MBOAT1: variants seen among roughly 807,000 people sequenced by gnomAD.
MBOAT1 encodes the protein membrane-bound glycerophospholipid O-acyltransferase 1.
Under a neutral mutation model 64.4 loss-of-function variants are expected in MBOAT1, and 67 were observed. The observed-to-expected ratio is 1.04, with a 90% confidence interval of 0.85 to 1.27. The LOEUF is 1.27. MBOAT1 is among the 50% of genes most tolerant of loss of function. The probability of loss-of-function intolerance (pLI) is 0.00; values close to 1 mark genes in which losing one functional copy is unlikely to be tolerated. For synonymous variants in MBOAT1, 229 were observed against 218.9 expected (o/e 1.05, Z -0.41); for missense variants, 563 against 604.6 (o/e 0.93, Z 0.72).
intron 6 of MBOAT1, among the ~76,000 whole-genome samples, chr6:20,127,320 A>T (rs1016559569): frequency 6.6e-6 from 1 of 152,158 alleles, no homozygotes; most frequent in African/African-American, 2.4e-5. Flanking sequence ...TGTTCTAGCA[A>T]GATAGAATAA....
intron 3 of MBOAT1, among the ~76,000 whole-genome samples, chr6:20,145,251 G>T (rs1157208526): frequency 2.6e-5 from 4 of 151,980 alleles, no homozygotes; most frequent in South Asian, 2.1e-4. Flanking sequence ...GCTATGTGAG[G>T]ATACAAGAAG....
intron 1 of MBOAT1, among the ~76,000 whole-genome samples, chr6:20,166,343 A>G (rs1762014890): frequency 6.6e-6 from 1 of 152,048 alleles, no homozygotes; most frequent in South Asian, 2.1e-4. Context: ...TCCATTCCCT[A>G]GGAGGGAAAA....
intron 1 of MBOAT1, among the ~76,000 whole-genome samples, chr6:20,168,502 A>AGAG (rs1561773038): frequency 0.057 from 5,294 of 92,250 alleles, 233 homozygotes; most frequent in African/African-American, 0.17. Flanking sequence ...AGAGAGAGAG[A>AGAG]GAGAGGAGAG....
At chr6:20,179,991 C>G (rs1470038454) in intron 1 of MBOAT1, among the ~76,000 whole-genome samples, 1 of 152,150 alleles carries the variant, frequency 6.6e-6, no homozygotes, top group East Asian at 1.9e-4. Context: ...TCCACTCCTC[C>G]TCAAAGTTCA....
chr6:20,196,651 A>T (rs1762962314), intron 1 of MBOAT1, among the ~76,000 whole-genome samples: 1 of 152,212 alleles, frequency 6.6e-6, no homozygotes, highest in Non-Finnish European at 1.5e-5. Flanking sequence ...ACCTGAGGTC[A>T]GGAGTTCGAG....
chr6:20,102,237 A>G lies in MBOAT1; in HGVS notation c.*49T>C, dbSNP rs1471184218. ...GGAGCCCTTGAAGCCTTGTCATCTC[A>G]TCTTTCGAACGTTCTGCAGTTTTGC... On this transcript the variant is annotated 3_prime_UTR_variant, in exon 13 of 13. Coordinates refer to ENST00000324607, the MANE Select transcript of MBOAT1 (RefSeq NM_001080480.3). 1 of 1,589,746 alleles carries G rather than the reference A, an allele frequency of 6.3e-7. No individual in the cohort carries two copies. The highest frequency in any genetic ancestry group is 1.4e-5 in the African/African-American group (1 of 73,536).
chr6:20,149,376 A>G lies in MBOAT1; in HGVS notation c.323+1809T>C, dbSNP rs78473822. ...ACCACATCCCATCAGCATCACACAA[A>G]TGTGGGAAGAGCTGACAAGCTGCAA... is the stretch of plus-strand genomic sequence containing the variant. On this transcript the variant is annotated intron_variant, in intron 3 of 12. Coordinates refer to ENST00000324607, the MANE Select transcript of MBOAT1 (RefSeq NM_001080480.3). Among the ~76,000 whole-genome samples, 1,044 of 152,188 alleles carry G rather than the reference A, an allele frequency of 6.9e-3. 7 individuals carry two copies. Among genetic ancestry groups the G allele is most frequent in the African/African-American group, 0.024 (976 of 41,524 alleles).
chr6:20,175,447 T>G (rs1762314209), intron 1 of MBOAT1, among the ~76,000 whole-genome samples: 1 of 151,608 alleles, frequency 6.6e-6, no homozygotes, highest in African/African-American at 2.4e-5. Context: ...TTTTATTTAT[T>G]TATTTATTTA....
At chr6:20,130,701 CAAA>C (rs753257631) in intron 5 of MBOAT1, among the ~76,000 whole-genome samples, 1 of 137,788 alleles carries the variant, frequency 7.3e-6, no homozygotes, top group African/African-American at 2.7e-5. Flanking sequence ...TTTTCCAAGC[CAAA>C]AAAAAAAACA....
rs543598092 is a variant in MBOAT1, at chr6:20,161,443, C to T, written c.100-8674G>A. Among the ~76,000 whole-genome samples, 4 of 152,170 alleles carry T rather than the reference C, an allele frequency of 2.6e-5. No individual in the cohort carries two copies. In the South Asian group the frequency reaches 8.3e-4, roughly 32 times the overall value. ...TGAAATCATCCCCATCCCCCACCCC[C>T]ACTCCATGGAAAAATTGTCTTCCAC... is the stretch of plus-strand genomic sequence containing the variant. On this transcript the variant is annotated intron_variant, in intron 1 of 12. Coordinates refer to ENST00000324607, the MANE Select transcript of MBOAT1 (RefSeq NM_001080480.3).
rs777908992 is a variant in MBOAT1, at chr6:20,102,425, AT to A, written c.1362-14del. On this transcript the variant is annotated splice_polypyrimidine_tract_variant and intron_variant, in intron 12 of 12. Transcript: ENST00000324607. The stretch of plus-strand genomic sequence containing the variant: ...AAAGTACATGGACCTGGGAATAAAA[AT>A]ATACAAAAATTATATTTCAAATAAG... The A allele has an allele frequency of 1.8e-5, 29 of 1,582,626 alleles. No homozygotes were observed. The highest frequency in any genetic ancestry group is 2.4e-5 in the Non-Finnish European group (28 of 1,156,644).
intron 1 of MBOAT1, among the ~76,000 whole-genome samples, chr6:20,176,854 C>T (rs1242262312): frequency 1.3e-5 from 2 of 152,110 alleles, no homozygotes; most frequent in African/African-American, 4.8e-5. Flanking sequence ...GGACTCCTGA[C>T]CTCAGGTGGC....
At chr6:20,188,704 C>T (rs10806913) in intron 1 of MBOAT1, among the ~76,000 whole-genome samples, 77,598 of 151,936 alleles carry the variant, frequency 0.51, 20,390 homozygotes, top group Admixed American at 0.64. Flanking sequence ...ATGCAGGCCC[C>T]TAGCTTGAGT....
intron 4 of MBOAT1, among the ~76,000 whole-genome samples, chr6:20,131,554 C>T (rs1236812389): frequency 6.6e-6 from 1 of 152,184 alleles, no homozygotes; most frequent in African/African-American, 2.4e-5. Context: ...TTCAATTAAA[C>T]CTCTTTCCTT....
At chr6:20,134,383 A>C (rs890416078) in intron 4 of MBOAT1, among the ~76,000 whole-genome samples, 13 of 152,318 alleles carry the variant, frequency 8.5e-5, no homozygotes, top group South Asian at 4.1e-4. Context: ...TTTATAGAAA[A>C]AAAAAAATAG....
At chr6:20,113,841 T>C (rs1324464817) in intron 10 of MBOAT1, among the ~76,000 whole-genome samples, 11 of 150,462 alleles carry the variant, frequency 7.3e-5, no homozygotes, top group African/African-American at 2.7e-4. Context: ...TAAATAATAA[T>C]AAAAAAATAA....
intron 10 of MBOAT1, among the ~76,000 whole-genome samples, chr6:20,114,643 G>A (rs1017918927): frequency 6.6e-6 from 1 of 152,128 alleles, no homozygotes; most frequent in African/African-American, 2.4e-5. Context: ...AGAATTTTGG[G>A]AGGCCAAGGT....
chr6:20,101,625 C>T lies in MBOAT1; in HGVS notation c.*661G>A, dbSNP rs1408851343. On this transcript the variant is annotated 3_prime_UTR_variant, in exon 13 of 13. Coordinates refer to ENST00000324607, the MANE Select transcript of MBOAT1 (RefSeq NM_001080480.3). ...GCACTCGCCTTCTAATTTTTGGAGC[C>T]GATGCCTGGGTTCCCAGCATCCAGG... is the stretch of plus-strand genomic sequence containing the variant. Among the ~76,000 whole-genome samples the T allele has an allele frequency of 1.3e-5, 2 of 152,112 alleles. No individual in the cohort carries two copies. The highest frequency in any genetic ancestry group is 6.5e-5 in the Admixed American group (1 of 15,278).
Position 20,151,216 on chromosome 6 carries a change from T to C in MBOAT1, c.292A>G (p.Met98Val). ...ATATTGGATACACTAGCAGTGACCATGATTGCATAGCACATTAACACCAGC... is the reference window on the plus strand; with the variant it reads ...ATATTGGATACACTAGCAGTGACCACGATTGCATAGCACATTAACACCAGC... ...FVLVLMCYAI[M>V]VTASVSNIHR... is the part of the protein sequence containing the mutation. The change falls in exon 3 of 13, where the codon ATG (methionine) becomes GTG (valine). Residue 98 changes from methionine to valine, a missense_variant. Physicochemically the swap from Met to Val is conservative, Grantham distance 21. Transcript: ENST00000324607. The C allele has an allele frequency of 6.2e-7, 1 of 1,613,556 alleles. No individual in the cohort carries two copies. Among genetic ancestry groups the C allele is most frequent in the Non-Finnish European group, 8.5e-7 (1 of 1,179,634 alleles).
Sources: gnomAD v4.1 joint callset for allele counts (sites outside exome capture counted in the v4.1 genomes callset) on GRCh38, gnomAD v4.1.1 for gene constraint, MANE v1.5 for transcripts, NCBI Gene and HGNC (gene_info 2026-07-23, HGNC 2026-07-21) for gene names.